The following SAV1 variants were observed in gnomAD, a reference collection of about 807,000 sequenced individuals.
The protein encoded by SAV1 is salvador family WW domain containing protein 1, also known as protein salvador homolog 1.
SAV1 carries 23 observed loss-of-function variants against 47.3 expected under a neutral mutation model. That is an observed-to-expected ratio of 0.49 (90% confidence interval 0.35 to 0.69). SAV1 has a LOEUF of 0.69. Among genes scored for constraint, SAV1 ranks in the 30% least tolerant of loss-of-function variants. The probability of loss-of-function intolerance (pLI) is 0.01; values close to 1 mark genes in which losing one functional copy is unlikely to be tolerated. For synonymous variants in SAV1, 155 were observed against 159.2 expected, an observed-to-expected ratio of 0.97 and a Z score of 0.20; for missense variants, 448 against 457.4, an observed-to-expected ratio of 0.98 and a Z score of 0.19.
intron 2 of SAV1, among the ~76,000 whole-genome samples, chr14:50,660,281 C>T (rs2039847654): frequency 6.6e-6 from 1 of 152,142 alleles, no homozygotes; most frequent in Admixed American, 6.5e-5. Flanking sequence ...TCCCCTAGCC[C>T]CCTGCCTGCC....
intron 2 of SAV1, among the ~76,000 whole-genome samples, chr14:50,651,374 C>T (rs2039768338): frequency 6.6e-6 from 1 of 151,910 alleles, no homozygotes; most frequent in Admixed American, 6.6e-5. Context: ...TGGGTATTTA[C>T]AGGGGGAGGA....
intron 2 of SAV1, 53 bp from the exon 3 acceptor site, chr14:50,645,067 A>G: frequency 1.3e-6 from 2 of 1,513,066 alleles, no homozygotes; most frequent in Non-Finnish European, 1.8e-6. Context: ...ATTCAATGCA[A>G]AAAATGTGCC....
At chr14:50,642,239 A>G (rs762919696) in intron 3 of SAV1, among the ~76,000 whole-genome samples, 1 of 152,112 alleles carries the variant, frequency 6.6e-6, no homozygotes, top group Non-Finnish European at 1.5e-5. Context: ...ATTGAAAACT[A>G]CCTATCAGGG....
intron 2 of SAV1, among the ~76,000 whole-genome samples, chr14:50,647,120 T>C (rs2140253126): frequency 6.6e-6 from 1 of 152,338 alleles, no homozygotes; most frequent in African/African-American, 2.4e-5. Flanking sequence ...TATATCTAAA[T>C]TTAAAACTAT....
Position 50,665,637 on chromosome 14 carries a change from A to G in SAV1, c.95-18T>C. 1.3e-6 allele frequency: 2 copies of G among 1,546,676 alleles called. No individual in the cohort carries two copies. The highest frequency in any genetic ancestry group is 8.7e-7 in the Non-Finnish European group (1 of 1,148,008). ...CATAAGATCTACAATAAAACAAAGG[A>G]TAAAATTACCCTTTCATCATTAAGT... On this transcript the variant is annotated intron_variant, in intron 1 of 4. Coordinates refer to ENST00000324679, the MANE Select transcript of SAV1 (RefSeq NM_021818.4).
rs2039797533 is a variant in SAV1 at position 50,654,671 on chromosome 14, GAAACACAATAGAGC to G, written c.536-9671_536-9658del. 2.6e-5 allele frequency among the ~76,000 whole-genome samples: 4 copies of G among 152,292 alleles called. No homozygotes were observed. In the South Asian group the frequency reaches 8.3e-4, roughly 32 times the overall value. On this transcript the variant is annotated intron_variant, in intron 2 of 4. Coordinates refer to ENST00000324679, the MANE Select transcript of SAV1 (RefSeq NM_021818.4). ...AATTTGTAAAAAACACAGTATCTGCGAAACACAATAGAGCAAAGCACAATAAAATGAGGTATGCC... is the reference window on the plus strand; with the variant it reads ...AATTTGTAAAAAACACAGTATCTGCGAAAGCACAATAAAATGAGGTATGCC...
At position 50,637,780 on chromosome 14, in the gene SAV1, C is replaced by T. The variant is rs368394286; in HGVS notation, c.951-2396G>A. 7.3e-5 allele frequency: 11 copies of T among 150,704 alleles called. No individual in the cohort carries two copies. The East Asian group carries it at 7.9e-4, about 11-fold the overall frequency. The allele number at this position is 150,704 out of a possible 1,614,324, so 9.3% of individuals were successfully genotyped here. ...CTACTGATCGGCACAGTAGTATTAA[C>T]CTGCTCCCTTTCCAACCTGGGCCAG... is the stretch of plus-strand genomic sequence containing the variant. On this transcript the variant is annotated intron_variant, in intron 4 of 4. Transcript: ENST00000324679.
At chr14:50,640,937 A>G in intron 3 of SAV1, 44 bp from the exon 4 acceptor site, 1 of 1,528,500 alleles carries the variant, frequency 6.5e-7, no homozygotes, top group East Asian at 2.3e-5. Flanking sequence ...AGGTCTTAAA[A>G]TCTAAACAAG....
chr14:50,637,573 T>C (rs929096262), intron 4 of SAV1: 3 of 151,452 alleles, frequency 2.0e-5, no homozygotes, highest in Non-Finnish European at 2.9e-5. Context: ...AGATGGTAAA[T>C]ATTATACTTA....
chr14:50,652,335 C>T (rs574517046), intron 2 of SAV1, among the ~76,000 whole-genome samples: 103 of 152,272 alleles, frequency 6.8e-4, no homozygotes, highest in South Asian at 1.5e-3. Flanking sequence ...CAGAAAGCAA[C>T]AAAACATATT....
intron 2 of SAV1, among the ~76,000 whole-genome samples, chr14:50,651,422 T>C (rs2039768861): frequency 6.6e-6 from 1 of 152,144 alleles, no homozygotes; most frequent in Non-Finnish European, 1.5e-5. Flanking sequence ...TAGAATTAAT[T>C]TTCTAAATGC....
chr14:50,657,649 T>C (rs1031105855), intron 2 of SAV1, among the ~76,000 whole-genome samples: 8 of 152,214 alleles, frequency 5.3e-5, no homozygotes, highest in African/African-American at 1.9e-4. Context: ...CTTCAGTTTT[T>C]GAGTGACAAG....
At chr14:50,639,352 T>C (rs1392706094) in intron 4 of SAV1, among the ~76,000 whole-genome samples, 1 of 100,410 alleles carries the variant, frequency 1.0e-5, no homozygotes, top group African/African-American at 4.2e-5. Context: ...ATGTCTCTTT[T>C]TGTTGTGATA....
chr14:50,637,664 G>GTTTTTTT (rs373647297), intron 4 of SAV1: 1,041 of 58,148 alleles, frequency 0.018, 33 homozygotes, highest in South Asian at 0.048. Flanking sequence ...AATTTTGTCA[G>GTTTTTTT]TTTTTTTTTT....
chr14:50,665,319 C>A lies in SAV1; in HGVS notation c.395G>T (p.Arg132Leu), dbSNP rs542086787. 6.2e-7 allele frequency: 1 copy of A among 1,613,706 alleles called. No individual in the cohort carries two copies. Among genetic ancestry groups the A allele is most frequent in the Non-Finnish European group, 8.5e-7 (1 of 1,179,760 alleles). The stretch of plus-strand genomic sequence containing the variant: ...AAAAAAATTGTCTGAATAATAATAT[C>A]GGGAACCAGAGTCTCCATTTTCAAC... ...FAVENGDSGS[R>L]YYYSDNFFDG... The change falls in exon 2 of 5, where the codon CGA becomes CTA. Residue 132 changes from arginine (R) to leucine (L), a missense_variant. By Grantham distance (102) the Arg-to-Leu change is moderately radical. Coordinates refer to ENST00000324679, the MANE Select transcript of SAV1 (RefSeq NM_021818.4).
At chr14:50,639,032 G>T (rs972419167) in intron 4 of SAV1, among the ~76,000 whole-genome samples, 2 of 152,242 alleles carry the variant, frequency 1.3e-5, no homozygotes, top group African/African-American at 4.8e-5. Flanking sequence ...CTCCCAAAGG[G>T]CTGGGATTAC....
At position 50,635,384 on chromosome 14, in the gene SAV1, T is replaced by C; in HGVS notation, c.951A>G (p.Lys317=). The C allele has an allele frequency of 6.2e-7, 1 of 1,613,198 alleles. No homozygotes were observed. The highest frequency in any genetic ancestry group is 2.2e-5 in the East Asian group (1 of 44,874). Residue 317 remains lysine (K), a splice_region_variant and synonymous_variant, in exon 5 of 5, where the codon AAA becomes AAG. Coordinates refer to ENST00000324679, the MANE Select transcript of SAV1 (RefSeq NM_021818.4). ...WLQVYARAPV[K]YDHILKWELF... ...GTTCCCACTTCAGAATGTGGTCATA[T>C]CTGTTTTAAAACACAATCATATATA...
At chr14:50,657,559 T>A (rs189819436) in intron 2 of SAV1, among the ~76,000 whole-genome samples, 28 of 152,262 alleles carry the variant, frequency 1.8e-4, no homozygotes, top group Admixed American at 8.5e-4. Context: ...ATTTATTCTT[T>A]AAAGAAAAAT....
intron 2 of SAV1, among the ~76,000 whole-genome samples, chr14:50,653,346 T>C (rs1470783474): frequency 6.6e-6 from 1 of 152,168 alleles, no homozygotes; most frequent in Non-Finnish European, 1.5e-5. Flanking sequence ...AAGGAAAAGA[T>C]CTAGCATTCA....
Sources: allele counts gnomAD v4.1 joint callset (sites outside exome capture counted in the v4.1 genomes callset), GRCh38; gene constraint gnomAD v4.1.1; transcripts MANE v1.5; gene names NCBI Gene and HGNC (gene_info 2026-07-23, HGNC 2026-07-21).